ELP4: variants seen among roughly 807,000 people sequenced by gnomAD.
The protein encoded by ELP4 is elongator complex protein 4.
A neutral mutation model predicts 48.9 loss-of-function variants in ELP4; 51 were observed. That is an observed-to-expected ratio of 1.04 (90% CI 0.83 to 1.32). ELP4 has a LOEUF of 1.32. ELP4 is among the 40% of genes most tolerant of loss of function. ELP4 has a pLI of 0.00. For missense variants in ELP4, 519 were observed against 514.6 expected (o/e 1.01, Z -0.08); for synonymous variants, 210 against 189.2 (o/e 1.11, Z -0.90).
chr11:31,531,280 T>C (rs1565037948), intron 2 of ELP4, among the ~76,000 whole-genome samples: 1 of 152,244 alleles, frequency 6.6e-6, no homozygotes. Flanking sequence ...GATTTTTGTT[T>C]GTTGTTTTTT....
chr11:31,770,596 A>G (rs77347677), intron 9 of ELP4, among the ~76,000 whole-genome samples: 136 of 152,060 alleles, frequency 8.9e-4, no homozygotes, highest in Admixed American at 3.3e-3. Flanking sequence ...ACTAAAAGTA[A>G]AAGATACTGC....
chr11:31,531,955 A>G (rs893805360), intron 2 of ELP4, among the ~76,000 whole-genome samples: 2 of 152,166 alleles, frequency 1.3e-5, no homozygotes, highest in Non-Finnish European at 2.9e-5. Flanking sequence ...AGGAAGTTAA[A>G]GCCGTGATTA....
At chr11:31,588,107 TTA>T (rs1270370933) in intron 3 of ELP4, among the ~76,000 whole-genome samples, 3 of 152,170 alleles carry the variant, frequency 2.0e-5, no homozygotes, top group Non-Finnish European at 4.4e-5. Flanking sequence ...ATCATATTGT[TTA>T]TGTTATACTC....
chr11:31,565,274 C>T (rs888034075), intron 3 of ELP4, among the ~76,000 whole-genome samples: 2 of 152,090 alleles, frequency 1.3e-5, no homozygotes, highest in Admixed American at 6.6e-5. Flanking sequence ...TAGATATTAG[C>T]CCTTTGTCAG....
intron 9 of ELP4, among the ~76,000 whole-genome samples, chr11:31,672,996 G>T (rs1945840548): frequency 6.6e-6 from 1 of 151,794 alleles, no homozygotes; most frequent in Non-Finnish European, 1.5e-5. Context: ...GTAGTTTTTG[G>T]GTTTTGGTGG....
chr11:31,559,544 T>G (rs1159037309), intron 3 of ELP4, among the ~76,000 whole-genome samples: 4 of 152,222 alleles, frequency 2.6e-5, no homozygotes, highest in Non-Finnish European at 1.5e-5. Context: ...GCTGTAGAAT[T>G]AAAGACACAC....
At chr11:31,632,035 T>C (rs1240518367) in intron 6 of ELP4, among the ~76,000 whole-genome samples, 182 bp from the exon 7 acceptor site, 3 of 152,130 alleles carry the variant, frequency 2.0e-5, no homozygotes, top group Non-Finnish European at 4.4e-5. Context: ...TTATTTTTTA[T>C]AATCTTGTAA....
chr11:31,736,804 G>A (rs181981633), intron 9 of ELP4, among the ~76,000 whole-genome samples: 89 of 152,086 alleles, frequency 5.9e-4, no homozygotes, highest in Non-Finnish European at 1.0e-3. Context: ...TTAGAATGGC[G>A]GTCATTAAAA....
At chr11:31,536,002 G>A (rs2133900796) in intron 2 of ELP4, among the ~76,000 whole-genome samples, 1 of 152,184 alleles carries the variant, frequency 6.6e-6, no homozygotes, top group South Asian at 2.1e-4. Flanking sequence ...TTGGATTTTG[G>A]TATTCATGGA....
intron 9 of ELP4, among the ~76,000 whole-genome samples, chr11:31,711,754 G>A (rs1176886139): frequency 2.0e-5 from 3 of 151,878 alleles, no homozygotes; most frequent in Non-Finnish European, 4.4e-5. Flanking sequence ...ATAGTAGTAG[G>A]TACAGCCTTA....
intron 9 of ELP4, among the ~76,000 whole-genome samples, chr11:31,684,495 C>T (rs1946121752): frequency 6.6e-6 from 1 of 152,160 alleles, no homozygotes; most frequent in Non-Finnish European, 1.5e-5. Context: ...GCATGAGCCA[C>T]AGCACCCAGC....
chr11:31,608,417 T>G (rs1323854753), intron 5 of ELP4, among the ~76,000 whole-genome samples: 1 of 152,008 alleles, frequency 6.6e-6, no homozygotes, highest in East Asian at 1.9e-4. Flanking sequence ...CAGAGCTTGT[T>G]TATGATGGGT....
At position 31,637,154 on chromosome 11, in the gene ELP4, C is replaced by G. The variant is rs573136654; in HGVS notation, c.927+4749C>G. ...AGATCCCTGCTGTGTAGTTGTTCCA[C>G]TCGCCAAGAAGCCTGTTAAAGAGCC... On this transcript the variant is annotated intron_variant, in intron 7 of 9. Coordinates refer to ENST00000640961, the MANE Select transcript of ELP4 (RefSeq NM_019040.5). 1.3e-4 allele frequency among the ~76,000 whole-genome samples: 19 copies of G among 151,880 alleles called. No individual in the cohort carries two copies. The South Asian group carries it at 4.0e-3, about 32-fold the overall frequency.
intron 9 of ELP4, chr11:31,720,041 C>G (rs1477141913): frequency 6.6e-6 from 1 of 151,490 alleles, no homozygotes. Context: ...GTGTTAAAAG[C>G]TCTGACATAG....
rs568157301 is a variant in ELP4 at position 31,693,755 on chromosome 11, T to A, written c.1143+43534T>A. Reference sequence around the variant, plus strand: ...TTGCCACACTGTCTTCCACAATGGTTGAACTAGTTTACAGTCCCACCAACA... The same window carrying A: ...TTGCCACACTGTCTTCCACAATGGTAGAACTAGTTTACAGTCCCACCAACA... On this transcript the variant is annotated intron_variant, in intron 9 of 9. Transcript: ENST00000640961. 4.6e-5 allele frequency among the ~76,000 whole-genome samples: 7 copies of A among 152,334 alleles called. 1 individual carries two copies. In the South Asian group the frequency reaches 1.4e-3, roughly 32 times the overall value.
At chr11:31,573,267 A>T (rs1269467723) in intron 3 of ELP4, among the ~76,000 whole-genome samples, 1 of 152,064 alleles carries the variant, frequency 6.6e-6, no homozygotes, top group African/African-American at 2.4e-5. Context: ...CTGCATCCGT[A>T]TCTTTAGCAT....
intron 9 of ELP4, among the ~76,000 whole-genome samples, chr11:31,759,369 T>C (rs1340318306): frequency 6.6e-6 from 1 of 152,226 alleles, no homozygotes; most frequent in Admixed American, 6.5e-5. Flanking sequence ...ATAATTGATT[T>C]TATCCTGAAT....
At position 31,749,782 on chromosome 11, in the gene ELP4, G is replaced by A. The variant is rs999321182; in HGVS notation, c.1144-33611G>A. 7.3e-5 allele frequency among the ~76,000 whole-genome samples: 11 copies of A among 151,318 alleles called. No individual in the cohort carries two copies. In the East Asian group the frequency reaches 2.1e-3, roughly 29 times the overall value. ...AAATAAAACTAAATAAAACTAAATA[G>A]ATGCATTTCTTGAACATGCTCAGAG... is the stretch of plus-strand genomic sequence containing the variant. On this transcript the variant is annotated intron_variant, in intron 9 of 9. Coordinates refer to ENST00000640961, the MANE Select transcript of ELP4 (RefSeq NM_019040.5).
intron 9 of ELP4, among the ~76,000 whole-genome samples, chr11:31,658,129 A>G (rs932322730): frequency 1.3e-5 from 2 of 152,002 alleles, no homozygotes; most frequent in African/African-American, 4.8e-5. Context: ...CCTAAGCTGT[A>G]CTGCTATCTC....
Sources: allele counts gnomAD v4.1 joint callset (sites outside exome capture counted in the v4.1 genomes callset), GRCh38; gene constraint gnomAD v4.1.1; transcripts MANE v1.5; gene names NCBI Gene and HGNC (gene_info 2026-07-23, HGNC 2026-07-21).